The following LDB1 variants were observed in gnomAD, a reference collection of about 807,000 sequenced individuals.
LDB1 encodes the protein LIM domain binding 1.
In LDB1, 6 loss-of-function variants were observed where a neutral mutation model predicts 49.7. The observed-to-expected ratio is 0.12, with a 90% CI of 0.07 to 0.24. The LOEUF is 0.24. Ranked by LOEUF, LDB1 falls within the 10% of genes least tolerant of loss-of-function variation. The probability of loss-of-function intolerance (pLI) is 1.00; values close to 1 mark genes in which losing one functional copy is unlikely to be tolerated. For synonymous variants in LDB1, 233 were observed against 202.0 expected (o/e 1.15, Z -1.30); for missense variants, 341 against 561.7 (o/e 0.61, Z 3.97).
At position 102,111,148 on chromosome 10, in the gene LDB1, G is replaced by T. The variant is rs753772219; in HGVS notation, c.174-4C>A. 6.2e-7 allele frequency: 1 copy of T among 1,614,000 alleles called. No homozygotes were observed. Among genetic ancestry groups the T allele is most frequent in the Non-Finnish European group, 8.5e-7 (1 of 1,179,882 alleles). On this transcript the variant is annotated splice_polypyrimidine_tract_variant and splice_region_variant and intron_variant, in intron 3 of 10. Coordinates refer to ENST00000673968, the MANE Select transcript of LDB1 (RefSeq NM_001113407.3). ...GTTGCCATATGGTGTGTGCCTCCTGGAGGAAGTGAAGGAGAGAGGTCAGTA... is the reference window on the plus strand; with the variant it reads ...GTTGCCATATGGTGTGTGCCTCCTGTAGGAAGTGAAGGAGAGAGGTCAGTA...
intron 6 of LDB1, 76 bp downstream of exon 6, chr10:102,110,453 G>GT (rs1288386395): frequency 9.0e-6 from 13 of 1,443,614 alleles, no homozygotes; most frequent in Non-Finnish European, 1.0e-5. Flanking sequence ...GGGAACAGCT[G>GT]TGAGTATACA....
intron 1 of LDB1, chr10:102,114,481 G>A (rs1032394077): frequency 1.0e-6 from 1 of 986,352 alleles, no homozygotes; most frequent in Non-Finnish European, 1.2e-6. Context: ...AGGGGTGAGG[G>A]CTGACGGGGG....
At chr10:102,114,303 G>T in intron 1 of LDB1, 1 of 982,974 alleles carries the variant, frequency 1.0e-6, no homozygotes, top group East Asian at 1.1e-4. Flanking sequence ...CGCCCCGGCG[G>T]CTCTGGGCTG....
chr10:102,117,558 C>T lies in LDB1; in HGVS notation c.25+2528G>A, dbSNP rs1024089138. On this transcript the variant is annotated intron_variant, in intron 1 of 10. Coordinates refer to ENST00000673968, the MANE Select transcript of LDB1 (RefSeq NM_001113407.3). The surrounding 1 kb of genome is among the most constrained non-coding windows in gnomAD (Gnocchi z 4.2). ...CCCCCTGCCCGGGCCCCTGGGGCTC[C>T]CTGACCCAGGCCTCCAGTGTGCCTG... is the stretch of plus-strand genomic sequence containing the variant. Among the ~76,000 whole-genome samples, 1 of 152,110 alleles carries T rather than the reference C, an allele frequency of 6.6e-6. No homozygotes were observed. The highest frequency in any genetic ancestry group is 1.5e-5 in the Non-Finnish European group (1 of 67,998).
intron 1 of LDB1, chr10:102,114,351 C>T: frequency 1.0e-6 from 1 of 986,280 alleles, no homozygotes; most frequent in Non-Finnish European, 1.2e-6. Context: ...AGGCCCGGGC[C>T]GGGCTGAGGG....
In LDB1 at chr10:102,109,305, G is replaced by C; in HGVS notation, c.856+79C>G. 6.2e-7 allele frequency: 1 copy of C among 1,605,384 alleles called. No individual in the cohort carries two copies. Among genetic ancestry groups the C allele is most frequent in the Non-Finnish European group, 8.5e-7 (1 of 1,175,306 alleles). On this transcript the variant is annotated intron_variant, in intron 9 of 10. Coordinates refer to ENST00000673968, the MANE Select transcript of LDB1 (RefSeq NM_001113407.3). This position sits in a 1 kb window ranked among gnomAD's most constrained non-coding sequence, Gnocchi z 5.8. Reference sequence around the variant, plus strand: ...GACCCGGGAACAAGGAAGGGGTGGGGAAAACTTCAAAAGGAAATAAAGATA... The same window carrying C: ...GACCCGGGAACAAGGAAGGGGTGGGCAAAACTTCAAAAGGAAATAAAGATA...
intron 6 of LDB1, chr10:102,110,312 C>A (rs1324921954): frequency 1.6e-6 from 1 of 627,702 alleles, no homozygotes; most frequent in African/African-American, 1.8e-5. Context: ...TATATGAGGG[C>A]AGACTCTTGT....
At position 102,109,106 on chromosome 10, in the gene LDB1, C is replaced by A; in HGVS notation, c.928G>T (p.Gly310Cys). ...KMSGGSTMSS[G>C]GGNTNNSNSK... is the part of the protein sequence containing the mutation. ...TTGCTGTTGTTGGTGTTGCCACCAC[C>A]AGAGCTCATGGTGCTGCCCCCTGAC... The change falls in exon 10 of 11, where the codon GGT (glycine) becomes TGT (cysteine). Residue 310 changes from glycine to cysteine, a missense_variant. This residue lies in a region of LDB1 where 233 missense variants were observed against 385.7 expected (regional missense o/e 0.60). Coordinates refer to ENST00000673968, the MANE Select transcript of LDB1 (RefSeq NM_001113407.3). The surrounding 1 kb of genome is among the most constrained non-coding windows in gnomAD (Gnocchi z 5.8). 6.2e-7 allele frequency: 1 copy of A among 1,614,204 alleles called. No homozygotes were observed. The highest frequency in any genetic ancestry group is 8.5e-7 in the Non-Finnish European group (1 of 1,180,048).
intron 1 of LDB1, among the ~76,000 whole-genome samples, chr10:102,115,893 AG>A (rs1353407264): frequency 6.6e-6 from 1 of 152,076 alleles, no homozygotes; most frequent in Non-Finnish European, 1.5e-5. Context: ...GTGGACAAAT[AG>A]GAAAAGGAAA....
chr10:102,104,491 G>C (rs2068139633), downstream of LDB1, among the ~76,000 whole-genome samples: 1 of 152,102 alleles, frequency 6.6e-6, no homozygotes, highest in Non-Finnish European at 1.5e-5. Flanking sequence ...TGAAAACAAA[G>C]GGCATGAGGG....
chr10:102,114,543 G>A (rs184103573), intron 1 of LDB1: 6 of 985,690 alleles, frequency 6.1e-6, no homozygotes, highest in Non-Finnish European at 7.2e-6. Context: ...CCGACTGGGA[G>A]CTCCAGTCCG....
Position 102,109,652 on chromosome 10 carries a change from G to C in LDB1, c.680C>G (p.Ser227Cys), listed in dbSNP as rs2068220955. 1 of 1,614,076 alleles carries C rather than the reference G, an allele frequency of 6.2e-7. No individual in the cohort carries two copies. The highest frequency in any genetic ancestry group is 8.5e-7 in the Non-Finnish European group (1 of 1,179,986). ...CAGCCCACACCGAGTGATGTTTTTG[G>C]AGAGCTGATCCAACATCTGGGGGTC... is the stretch of plus-strand genomic sequence containing the variant. ...AQDPQMLDQL[S>C]KNITRCGLSN... Residue 227 changes from serine to cysteine, a missense_variant, in exon 8 of 11, where the codon TCC (serine) becomes TGC (cysteine). This residue lies in a region of LDB1 where 233 missense variants were observed against 385.7 expected (regional missense o/e 0.60). Coordinates refer to ENST00000673968, the MANE Select transcript of LDB1 (RefSeq NM_001113407.3). This position sits in a 1 kb window ranked among gnomAD's most constrained non-coding sequence, Gnocchi z 5.8.
At position 102,110,949 on chromosome 10, in the gene LDB1, T is replaced by C. The variant is rs761104389; in HGVS notation, c.272A>G (p.Asp91Gly). The change falls in exon 5 of 11, where the codon GAT (aspartate) becomes GGT (glycine). Residue 91 changes from aspartate (D) to glycine (G), a missense_variant. Asp to Gly is a moderately conservative substitution (Grantham distance 94). This residue lies in a region of LDB1 where 233 missense variants were observed against 385.7 expected (regional missense o/e 0.60). Coordinates refer to ENST00000673968, the MANE Select transcript of LDB1 (RefSeq NM_001113407.3). ...CTCAAAGAACTCAGTCGTGAATGCA[T>C]CCCACCAGAGATTGTCACACTCCTA... ...WTEECDNLWW[D>G]AFTTEFFEDD... 6.2e-7 allele frequency: 1 copy of C among 1,614,080 alleles called. No individual in the cohort carries two copies. Among genetic ancestry groups the C allele is most frequent in the South Asian group, 1.1e-5 (1 of 91,082 alleles).
At chr10:102,110,782 T>C (rs1158337864) in intron 5 of LDB1, 81 bp from the exon 6 acceptor site, 1 of 1,572,804 alleles carries the variant, frequency 6.4e-7, no homozygotes, top group African/African-American at 1.4e-5. Context: ...AATCTAGATA[T>C]CCCCTGGCAC....
At position 102,111,066 on chromosome 10, in the gene LDB1, T is replaced by C. The variant is rs1243698703; in HGVS notation, c.249+3A>G. 2.5e-6 allele frequency: 4 copies of C among 1,613,692 alleles called. No homozygotes were observed. Among genetic ancestry groups the C allele is most frequent in the African/African-American group, 1.3e-5 (1 of 74,922 alleles). ...CTCCCAGCCCCTTTTCCCTTGGCCA[T>C]ACCTCTGTCCAGTTCTGAAGCCGTT... On this transcript the variant is annotated splice_donor_region_variant and intron_variant, in intron 4 of 10. Transcript: ENST00000673968.
chr10:102,104,168 T>C (rs1319903469), downstream of LDB1, among the ~76,000 whole-genome samples: 1 of 152,078 alleles, frequency 6.6e-6, no homozygotes, highest in African/African-American at 2.4e-5. Context: ...TGGAGCTCTC[T>C]GGCTGAATCA....
Position 102,111,082 on chromosome 10 carries a change from T to A in LDB1, c.236A>T (p.Gln79Leu). The A allele has an allele frequency of 1.2e-6, 2 of 1,614,210 alleles. No individual in the cohort carries two copies. Among genetic ancestry groups the A allele is most frequent in the Non-Finnish European group, 1.7e-6 (2 of 1,180,020 alleles). ...YRIFELNKRL[Q>L]NWTEECDNLW... ...CCTTGGCCATACCTCTGTCCAGTTC[T>A]GAAGCCGTTTGTTAAGCTCAAATAT... Residue 79 changes from glutamine (Q) to leucine (L), a missense_variant, in exon 4 of 11, where the codon CAG becomes CTG. Gln to Leu is a moderately radical substitution (Grantham distance 113, BLOSUM62 -2). This residue lies in a region of LDB1 where 233 missense variants were observed against 385.7 expected (regional missense o/e 0.60). Coordinates refer to ENST00000673968, the MANE Select transcript of LDB1 (RefSeq NM_001113407.3).
rs894956166 is a variant in LDB1 at position 102,107,632 on chromosome 10, G to C, written c.*461C>G. 1 of 156,702 alleles carries C rather than the reference G, an allele frequency of 6.4e-6. No homozygotes were observed. The highest frequency in any genetic ancestry group is 2.4e-5 in the African/African-American group (1 of 41,518). The allele number at this position is 156,702 out of a possible 1,614,324, so 9.7% of individuals were successfully genotyped here. A position where few individuals can be genotyped will look rare whatever the true frequency, so the allele number is the denominator to read the frequency against. On this transcript the variant is annotated 3_prime_UTR_variant, in exon 11 of 11. Coordinates refer to ENST00000673968, the MANE Select transcript of LDB1 (RefSeq NM_001113407.3). Reference sequence around the variant, plus strand: ...TGGAGCTGGGATAAGTGGCAGCAGGGAGGAGGGGCCCAGAGCTTTACCCCT... The same window carrying C: ...TGGAGCTGGGATAAGTGGCAGCAGGCAGGAGGGGCCCAGAGCTTTACCCCT...
In LDB1 at chr10:102,108,918, A is replaced by G. The variant is rs1346312473; in HGVS notation, c.1005+111T>C. The G allele has an allele frequency of 1.4e-5, 20 of 1,411,784 alleles. 1 individual carries two copies. In the East Asian group the frequency reaches 2.7e-4, roughly 19 times the overall value. 87.5% of individuals were successfully genotyped at this position (1,411,784 alleles called of 1,614,324 possible). A position where few individuals can be genotyped will look rare whatever the true frequency, so the allele number is the denominator to read the frequency against. ...CAGTTAGCCCATGCTGGCAGAGTAC[A>G]TGAGAAAAACTGTCTTTGCTTCTAC... On this transcript the variant is annotated intron_variant, in intron 10 of 10. Transcript: ENST00000673968.
Sources: gnomAD v4.1 joint callset for allele counts (sites outside exome capture counted in the v4.1 genomes callset) on GRCh38, gnomAD v4.1.1 for gene constraint, gnomAD v4.1.1 regional missense constraint, Gnocchi (gnomAD v3.1) non-coding constraint, MANE v1.5 for transcripts, NCBI Gene and HGNC (gene_info 2026-07-23, HGNC 2026-07-21) for gene names.